SH3BP5L: variants seen among roughly 807,000 people sequenced by gnomAD.
SH3BP5L encodes the protein SH3 binding domain protein 5 like, also known as SH3 domain-binding protein 5-like.
In SH3BP5L, 16 loss-of-function variants were observed where a neutral mutation model predicts 40.9. The ratio of observed to expected loss-of-function variants is 0.39; its 90% CI spans 0.27 to 0.59. SH3BP5L has a LOEUF of 0.59. SH3BP5L is among the 20% of genes least tolerant of loss of function. SH3BP5L has a pLI of 0.53. For missense variants in SH3BP5L, 471 were observed against 544.6 expected, an observed-to-expected ratio of 0.86 and a Z score of 1.35; for synonymous variants, 229 against 226.7, an observed-to-expected ratio of 1.01 and a Z score of -0.09.
rs1663879807 is a variant in SH3BP5L, at chr1:248,810,703, T to G, written c.*1197A>C. 1 of 152,060 alleles carries G rather than the reference T, an allele frequency of 6.6e-6. No homozygotes were observed. Among genetic ancestry groups the G allele is most frequent in the Non-Finnish European group, 1.5e-5 (1 of 68,030 alleles). The allele number at this position is 152,060 out of a possible 1,614,324, so 9.4% of individuals were successfully genotyped here. Reference sequence around the variant, plus strand: ...AAAAGAGCACTCCATCTTCCTGGGGTGGGTCAAAAGGAAGGACTGGTTCTC... The same window carrying G: ...AAAAGAGCACTCCATCTTCCTGGGGGGGGTCAAAAGGAAGGACTGGTTCTC... On this transcript the variant is annotated 3_prime_UTR_variant, in exon 7 of 7. Transcript: ENST00000366472.
chr1:248,815,490 T>C (rs558697959), intron 4 of SH3BP5L, among the ~76,000 whole-genome samples: 13 of 152,338 alleles, frequency 8.5e-5, no homozygotes, highest in African/African-American at 3.1e-4. Context: ...CTATACTTTA[T>C]GATGCTTTCA....
At position 248,812,014 on chromosome 1, in the gene SH3BP5L, G is replaced by A. The variant is rs147587250; in HGVS notation, c.1068C>T (p.Gly356=). The A allele has an allele frequency of 6.2e-7, 1 of 1,611,248 alleles. No individual in the cohort carries two copies. The highest frequency in any genetic ancestry group is 8.5e-7 in the Non-Finnish European group (1 of 1,179,232). ...QKCDSVEHLR[G]LSDHVSLDGQ... is the part of the protein sequence containing the mutation. ...CGTCCAGACTGACGTGGTCCGAGAGGCCTCGCAAGTGCTCCACGGAGTCGC... is the reference window on the plus strand; with the variant it reads ...CGTCCAGACTGACGTGGTCCGAGAGACCTCGCAAGTGCTCCACGGAGTCGC... The change falls in exon 7 of 7, where the codon GGC becomes GGT. Residue 356 remains glycine (G), a synonymous_variant. Transcript: ENST00000366472. The surrounding 1 kb of genome is among the most constrained non-coding windows in gnomAD (Gnocchi z 6.1).
At position 248,812,458 on chromosome 1, in the gene SH3BP5L, T is replaced by C. The variant is rs1663975078; in HGVS notation, c.712-88A>G. ...TGCACTGAGGTCTGAGGGCCTGCTCTCCCAGAATACCTGGACAGCTGGCTC... is the reference window on the plus strand; with the variant it reads ...TGCACTGAGGTCTGAGGGCCTGCTCCCCCAGAATACCTGGACAGCTGGCTC... On this transcript the variant is annotated intron_variant, in intron 6 of 6. Coordinates refer to ENST00000366472, the MANE Select transcript of SH3BP5L (RefSeq NM_030645.3). This position sits in a 1 kb window ranked among gnomAD's most constrained non-coding sequence, Gnocchi z 6.1. 2.0e-6 allele frequency: 2 copies of C among 1,014,658 alleles called. No homozygotes were observed. Among genetic ancestry groups the C allele is most frequent in the Non-Finnish European group, 2.9e-6 (2 of 678,630 alleles). The allele number at this position is 1,014,658 out of a possible 1,614,324, so 62.9% of individuals were successfully genotyped here.
In SH3BP5L at chr1:248,811,714, G is replaced by A; in HGVS notation, c.*186C>T. 1.8e-6 allele frequency: 1 copy of A among 545,800 alleles called. No homozygotes were observed. Among genetic ancestry groups the A allele is most frequent in the Non-Finnish European group, 3.2e-6 (1 of 310,606 alleles). The allele number at this position is 545,800 out of a possible 1,614,324, so 33.8% of individuals were successfully genotyped here. A position where few individuals can be genotyped will look rare whatever the true frequency, so the allele number is the denominator to read the frequency against. On this transcript the variant is annotated 3_prime_UTR_variant, in exon 7 of 7. Transcript: ENST00000366472. ...GGCAAAGAGAGCCGCCTGCTGAGGG[G>A]AAGGGGGAGGCTGTGAGAACGCCAG...
Position 248,813,344 on chromosome 1 carries a change from G to A in SH3BP5L, c.538-182C>T, listed in dbSNP as rs530277665. The A allele has an allele frequency of 2.4e-4, 120 of 503,972 alleles. 2 individuals carry two copies. The South Asian group carries it at 5.8e-3, about 24-fold the overall frequency. 31.2% of individuals were successfully genotyped at this position (503,972 alleles called of 1,614,324 possible). A position where few individuals can be genotyped will look rare whatever the true frequency, so the allele number is the denominator to read the frequency against. ...CACGGGGTCTATGAGCCTCAAGACA[G>A]CTTATTTCTGTCTCTCTTGGATCTG... On this transcript the variant is annotated intron_variant, in intron 5 of 6. Transcript: ENST00000366472.
chr1:248,825,598 G>A (rs1162059559), intron 1 of SH3BP5L: 1 of 174,596 alleles, frequency 5.7e-6, no homozygotes, highest in African/African-American at 2.4e-5. Flanking sequence ...GCGCCTTCGA[G>A]ACTTTCCTCT....
chr1:248,818,216 C>T (rs1488292251), intron 2 of SH3BP5L, among the ~76,000 whole-genome samples: 11 of 152,100 alleles, frequency 7.2e-5, no homozygotes, highest in Non-Finnish European at 1.6e-4. Flanking sequence ...GGCGTGGTGG[C>T]ACACATCTAT....
At chr1:248,815,442 C>T (rs1664079939) in intron 4 of SH3BP5L, among the ~76,000 whole-genome samples, 1 of 152,136 alleles carries the variant, frequency 6.6e-6, no homozygotes, top group Admixed American at 6.5e-5. Context: ...ATACAGCACA[C>T]ATGGTTATCT....
rs1223950670 is a variant in SH3BP5L at position 248,812,896 on chromosome 1, C to T, written c.711+93G>A. The stretch of plus-strand genomic sequence containing the variant: ...CTAGCCGGAGGCCTCACCCTGGCCA[C>T]CTCACCAAGATGGCCCAGAGAGGCC... On this transcript the variant is annotated intron_variant, in intron 6 of 6. Coordinates refer to ENST00000366472, the MANE Select transcript of SH3BP5L (RefSeq NM_030645.3). The surrounding 1 kb of genome is among the most constrained non-coding windows in gnomAD (Gnocchi z 6.1). 1.6e-6 allele frequency: 2 copies of T among 1,243,698 alleles called. No individual in the cohort carries two copies. Among genetic ancestry groups the T allele is most frequent in the Non-Finnish European group, 2.2e-6 (2 of 895,238 alleles). 77.0% of individuals were successfully genotyped at this position (1,243,698 alleles called of 1,614,324 possible).
chr1:248,821,843 C>T lies in SH3BP5L; in HGVS notation c.183+2910G>A, dbSNP rs952963088. 6.6e-6 allele frequency among the ~76,000 whole-genome samples: 1 copy of T among 152,196 alleles called. No individual in the cohort carries two copies. Among genetic ancestry groups the T allele is most frequent in the African/African-American group, 2.4e-5 (1 of 41,450 alleles). ...CCTTCTAACTTCCAGAGGAATCCCA[C>T]CATAAATGGCCATGGAGCTGCCTGC... On this transcript the variant is annotated intron_variant, in intron 2 of 6. Transcript: ENST00000366472. This position sits in a 1 kb window ranked among gnomAD's most constrained non-coding sequence, Gnocchi z 4.6.
Position 248,815,329 on chromosome 1 carries a change from G to C in SH3BP5L, c.376-719C>G, listed in dbSNP as rs763935399. Among the ~76,000 whole-genome samples the C allele has an allele frequency of 1.3e-5, 2 of 152,206 alleles. 1 individual carries two copies. The highest frequency in any genetic ancestry group is 4.1e-4 in the South Asian group (2 of 4,824). ...TTTAAAATGACGGCTTGGATGTATA[G>C]TTATTGACATGGAACCATGTCATAA... On this transcript the variant is annotated intron_variant, in intron 4 of 6. Transcript: ENST00000366472.
intron 2 of SH3BP5L, among the ~76,000 whole-genome samples, chr1:248,818,116 G>A (rs1475161537): frequency 6.6e-6 from 1 of 152,310 alleles, no homozygotes; most frequent in South Asian, 2.1e-4. Context: ...GGGAGGCAGA[G>A]GTGGGCAGAT....
intron 2 of SH3BP5L, among the ~76,000 whole-genome samples, chr1:248,824,180 T>C (rs1252905054): frequency 6.6e-6 from 1 of 152,226 alleles, no homozygotes; most frequent in East Asian, 1.9e-4. Context: ...TCCTTGAACA[T>C]ATGGGGTTTC....
chr1:248,823,444 T>C (rs1664301995), intron 2 of SH3BP5L, among the ~76,000 whole-genome samples: 1 of 151,032 alleles, frequency 6.6e-6, no homozygotes, highest in Admixed American at 6.6e-5. Context: ...ATCATGGGGT[T>C]GGAGGTAGCG....
In SH3BP5L at chr1:248,812,625, G is replaced by A. The variant is rs1456698987; in HGVS notation, c.712-255C>T. ...CTCCTGACCTGAGCCCCACCTTCCA[G>A]AGCCTTCCTCTCAGGCCTTCCTCTC... On this transcript the variant is annotated intron_variant, in intron 6 of 6. Transcript: ENST00000366472. The surrounding 1 kb of genome is among the most constrained non-coding windows in gnomAD (Gnocchi z 6.1). 6.6e-6 allele frequency among the ~76,000 whole-genome samples: 1 copy of A among 151,968 alleles called. No homozygotes were observed. The highest frequency in any genetic ancestry group is 1.5e-5 in the Non-Finnish European group (1 of 67,976).
In SH3BP5L at chr1:248,814,467, C is replaced by T. The variant is rs201606919; in HGVS notation, c.519G>A (p.Leu173=). ...GGCTCACCTTGCAGGTAGCATGGTT[C>T]AGCATCTCCTGCCACGTGGGGTCCA... ...NRLDPTWQEM[L]NHATCKVNEA... is the part of the protein sequence containing the mutation. The change falls in exon 5 of 7, where the codon CTG becomes CTA. Residue 173 remains leucine, a synonymous_variant. Transcript: ENST00000366472. 1.1e-4 allele frequency: 178 copies of T among 1,614,146 alleles called. No individual in the cohort carries two copies. The East Asian group carries it at 3.6e-3, about 32-fold the overall frequency.
rs552218904 is a variant in SH3BP5L at position 248,815,719 on chromosome 1, C to T, written c.375+815G>A. 3.9e-5 allele frequency among the ~76,000 whole-genome samples: 6 copies of T among 152,346 alleles called. No individual in the cohort carries two copies. The South Asian group carries it at 1.2e-3, about 32-fold the overall frequency. Reference sequence around the variant, plus strand: ...GGGCCAGGTACTAGACAATTAGAGGCCGCCCCTATAGCCCAGGGCCTAGCA... The same window carrying T: ...GGGCCAGGTACTAGACAATTAGAGGTCGCCCCTATAGCCCAGGGCCTAGCA... On this transcript the variant is annotated intron_variant, in intron 4 of 6. Transcript: ENST00000366472.
At position 248,812,939 on chromosome 1, in the gene SH3BP5L, G is replaced by A. The variant is rs1310860201; in HGVS notation, c.711+50C>T. ...GAGAGGCCGACCAGCATCCCCTCCA[G>A]CCTGCACCCCCACCTACCCATTCCT... On this transcript the variant is annotated intron_variant, in intron 6 of 6. Transcript: ENST00000366472. The surrounding 1 kb of genome is among the most constrained non-coding windows in gnomAD (Gnocchi z 6.1). 1 of 1,510,498 alleles carries A rather than the reference G, an allele frequency of 6.6e-7. No individual in the cohort carries two copies. The allele number at this position is 1,510,498 out of a possible 1,614,324, so 93.6% of individuals were successfully genotyped here.
Position 248,824,737 on chromosome 1 carries a change from C to T in SH3BP5L, c.183+16G>A. 1 of 1,611,926 alleles carries T rather than the reference C, an allele frequency of 6.2e-7. No homozygotes were observed. Among genetic ancestry groups the T allele is most frequent in the South Asian group, 1.1e-5 (1 of 90,898 alleles). On this transcript the variant is annotated intron_variant, in intron 2 of 6. Coordinates refer to ENST00000366472, the MANE Select transcript of SH3BP5L (RefSeq NM_030645.3). ...AATCTGGGCTCTCCTTCTCTCCCTGCTCTCAGTGCTCTCACCTGTATTCTA... is the reference window on the plus strand; with the variant it reads ...AATCTGGGCTCTCCTTCTCTCCCTGTTCTCAGTGCTCTCACCTGTATTCTA...
Sources: gnomAD v4.1 joint callset for allele counts (sites outside exome capture counted in the v4.1 genomes callset) on GRCh38, gnomAD v4.1.1 for gene constraint, Gnocchi (gnomAD v3.1) non-coding constraint, MANE v1.5 for transcripts, NCBI Gene and HGNC (gene_info 2026-07-23, HGNC 2026-07-21) for gene names.